Variants in DHX30 observed in about 807,000 individuals in gnomAD.
The protein encoded by DHX30 is DExH-box helicase 30, also known as ATP-dependent RNA helicase DHX30.
Under a neutral mutation model 116.9 loss-of-function variants are expected in DHX30, and 4 were observed. The observed-to-expected ratio is 0.03, with a 90% CI of 0.02 to 0.08. DHX30 has a LOEUF of 0.08. DHX30 is among the 10% of genes least tolerant of loss of function. The probability of loss-of-function intolerance (pLI) is 1.00; values close to 1 mark genes in which losing one functional copy is unlikely to be tolerated. For synonymous variants in DHX30, 697 were observed against 651.7 expected (o/e 1.07, Z -1.06); for missense variants, 871 against 1,595.1 (o/e 0.55, Z 7.73).
intron 4 of DHX30, among the ~76,000 whole-genome samples, chr3:47,826,845 G>C (rs752868369): frequency 6.6e-6 from 1 of 152,196 alleles, no homozygotes; most frequent in Non-Finnish European, 1.5e-5. Flanking sequence ...CTGGGGCCTG[G>C]TATTCAGCAT....
intron 8 of DHX30, 127 bp from the exon 9 acceptor site, chr3:47,842,979 G>A: frequency 8.2e-7 from 1 of 1,214,234 alleles, no homozygotes; most frequent in South Asian, 1.4e-5. Context: ...CTCTAGCATG[G>A]CTCACGCCTG....
intron 2 of DHX30, among the ~76,000 whole-genome samples, chr3:47,807,793 A>G (rs986973614): frequency 6.7e-6 from 1 of 149,868 alleles, no homozygotes; most frequent in East Asian, 2.0e-4. Context: ...GCAGGGTCTC[A>G]CTGTGTTGCC....
intron 5 of DHX30, 35 bp from the exon 6 acceptor site, chr3:47,828,989 G>C: frequency 7.3e-7 from 1 of 1,373,554 alleles, no homozygotes; most frequent in Non-Finnish European, 1.0e-6. Flanking sequence ...AGTCTGGAGT[G>C]GCAAGACTTC....
chr3:47,843,982 G>C (rs572180447), intron 9 of DHX30, among the ~76,000 whole-genome samples: 2 of 152,246 alleles, frequency 1.3e-5, no homozygotes, highest in Admixed American at 6.5e-5. Flanking sequence ...GATTGCAGGC[G>C]TGAGCCACCG....
Position 47,848,504 on chromosome 3 carries a change from A to G in DHX30, c.2529A>G (p.Pro843=). The change falls in exon 16 of 22, where the codon CCA becomes CCG. Residue 843 remains proline (P), a synonymous_variant. Coordinates refer to ENST00000445061, the MANE Select transcript of DHX30 (RefSeq NM_138615.3). This position sits in a 1 kb window ranked among gnomAD's most constrained non-coding sequence, Gnocchi z 9.4. ...VEFLSKAVDS[P]NIKAVDEAVI... Reference sequence around the variant, plus strand: ...TCCTGTCCAAGGCTGTGGACAGTCCAAACATCAAGGCAGTGGACGAGGCTG... The same window carrying G: ...TCCTGTCCAAGGCTGTGGACAGTCCGAACATCAAGGCAGTGGACGAGGCTG... The G allele has an allele frequency of 1.2e-6, 2 of 1,614,062 alleles. No individual in the cohort carries two copies. Among genetic ancestry groups the G allele is most frequent in the Non-Finnish European group, 1.7e-6 (2 of 1,179,992 alleles).
intron 6 of DHX30, among the ~76,000 whole-genome samples, chr3:47,837,617 C>T (rs1176633870): frequency 6.6e-5 from 10 of 152,074 alleles, no homozygotes; most frequent in South Asian, 2.1e-4. Context: ...AAAAATTAGC[C>T]GGGCCTGGTG....
At chr3:47,809,188 A>C (rs2106936927) in intron 2 of DHX30, among the ~76,000 whole-genome samples, 1 of 143,464 alleles carries the variant, frequency 7.0e-6, no homozygotes, top group Non-Finnish European at 1.5e-5. Flanking sequence ...CAAATTACAC[A>C]CTTTTTATTT....
chr3:47,829,160 T>C, intron 6 of DHX30, 26 bp downstream of exon 6: 1 of 1,332,564 alleles, frequency 7.5e-7, no homozygotes, highest in South Asian at 1.3e-5. Context: ...TGAAAGCCAC[T>C]GAGACCTTCC....
chr3:47,848,405 G>C lies in DHX30; in HGVS notation c.2493+19G>C, dbSNP rs1279991735. Reference sequence around the variant, plus strand: ...GAAGACGGTGCGGCGGGGCGGGGCAGGGGCTGGCCTGGGGACCAGGCAGGT... The same window carrying C: ...GAAGACGGTGCGGCGGGGCGGGGCACGGGCTGGCCTGGGGACCAGGCAGGT... On this transcript the variant is annotated intron_variant, in intron 15 of 21. Coordinates refer to ENST00000445061, the MANE Select transcript of DHX30 (RefSeq NM_138615.3). This position sits in a 1 kb window ranked among gnomAD's most constrained non-coding sequence, Gnocchi z 9.4. 1 of 1,613,786 alleles carries C rather than the reference G, an allele frequency of 6.2e-7. No homozygotes were observed. The highest frequency in any genetic ancestry group is 1.3e-5 in the African/African-American group (1 of 74,944).
chr3:47,845,219 G>A (rs530526654), intron 9 of DHX30, among the ~76,000 whole-genome samples: 11 of 152,182 alleles, frequency 7.2e-5, no homozygotes, highest in Admixed American at 4.6e-4. Context: ...ACAGAGTCTC[G>A]CTCTGTCGCC....
intron 4 of DHX30, among the ~76,000 whole-genome samples, chr3:47,826,571 A>C (rs2036564088): frequency 6.6e-6 from 1 of 151,030 alleles, no homozygotes; most frequent in South Asian, 2.1e-4. Context: ...TCAGCCTCCC[A>C]AGTAGCTGGG....
In DHX30 at chr3:47,846,560, T is replaced by C. The variant is rs779194722; in HGVS notation, c.1488T>C (p.Ala496=). The C allele has an allele frequency of 1.4e-5, 22 of 1,614,036 alleles. No homozygotes were observed. The highest frequency in any genetic ancestry group is 1.9e-5 in the Non-Finnish European group (22 of 1,180,042). ...TCACCCAACCTCGCCGCATCTCTGC[T>C]GTGTCTGTGGCACAGCGGGTCAGCC... ...VIITQPRRIS[A]VSVAQRVSHE... Residue 496 remains alanine, a synonymous_variant, in exon 11 of 22, where the codon GCT becomes GCC. Coordinates refer to ENST00000445061, the MANE Select transcript of DHX30 (RefSeq NM_138615.3).
intron 4 of DHX30, chr3:47,825,125 A>G: frequency 1.5e-6 from 1 of 674,630 alleles, no homozygotes; most frequent in East Asian, 3.0e-5. Context: ...GCTGGGCGAC[A>G]GGGTCGCTCG....
intron 6 of DHX30, among the ~76,000 whole-genome samples, chr3:47,834,166 T>C (rs1367604647): frequency 6.6e-6 from 1 of 152,094 alleles, no homozygotes; most frequent in Non-Finnish European, 1.5e-5. Context: ...TGCAGTGGCG[T>C]GATCTTGGCT....
intron 5 of DHX30, 124 bp from the exon 6 acceptor site, chr3:47,828,900 A>G (rs1449542164): frequency 9.1e-6 from 6 of 661,730 alleles, no homozygotes; most frequent in Non-Finnish European, 1.7e-5. Flanking sequence ...TCAACTCTGA[A>G]CCTAGCACAT....
chr3:47,818,248 C>T (rs1028595156), intron 4 of DHX30, 131 bp downstream of exon 4: 37 of 660,142 alleles, frequency 5.6e-5, no homozygotes, highest in South Asian at 3.3e-4. Flanking sequence ...ATTAGCAGAG[C>T]TATTGGAGCC....
intron 3 of DHX30, among the ~76,000 whole-genome samples, chr3:47,811,386 A>G (rs2035781927): frequency 6.6e-6 from 1 of 152,038 alleles, no homozygotes; most frequent in South Asian, 2.1e-4. Flanking sequence ...TGGTTAGTCT[A>G]TTCTGAATTA....
chr3:47,828,573 C>T (rs2036655927), intron 5 of DHX30, among the ~76,000 whole-genome samples: 3 of 151,816 alleles, frequency 2.0e-5, no homozygotes. Flanking sequence ...AGATCGAGAC[C>T]ATCCTGGCTA....
At position 47,816,443 on chromosome 3, in the gene DHX30, C is replaced by T. The variant is rs538840434; in HGVS notation, c.29-1579C>T. On this transcript the variant is annotated intron_variant, in intron 3 of 21. Coordinates refer to ENST00000445061, the MANE Select transcript of DHX30 (RefSeq NM_138615.3). ...CGCGATCTCGGCTCACTGCATCCTC[C>T]GCCTCCCGGGTTCAAGTCATTCTCG... The T allele has an allele frequency of 1.1e-4, 106 of 980,292 alleles. No individual in the cohort carries two copies. The African/African-American group carries it at 1.2e-3, about 11-fold the overall frequency. 60.7% of individuals were successfully genotyped at this position (980,292 alleles called of 1,614,324 possible).
Sources: gnomAD v4.1 joint callset for allele counts (sites outside exome capture counted in the v4.1 genomes callset) on GRCh38, gnomAD v4.1.1 for gene constraint, Gnocchi (gnomAD v3.1) non-coding constraint, MANE v1.5 for transcripts, NCBI Gene and HGNC (gene_info 2026-07-23, HGNC 2026-07-21) for gene names.